PID1: variants seen among roughly 807,000 people sequenced by gnomAD.
PID1 encodes PTB-containing, cubilin and LRP1-interacting protein.
Under a neutral mutation model 19.1 loss-of-function variants are expected in PID1, and 10 were observed. That is an observed-to-expected ratio of 0.52 (90% CI 0.32 to 0.89). The LOEUF is 0.89. Among genes scored for constraint, PID1 ranks in the 40% least tolerant of loss-of-function variants. The pLI, the probability that PID1 is intolerant of heterozygous loss-of-function variation, is 0.03. For missense variants in PID1, 248 were observed against 285.3 expected (o/e 0.87, Z 0.94); for synonymous variants, 130 against 116.0 (o/e 1.12, Z -0.78).
chr2:229,101,583 T>G (rs1003140023), intron 2 of PID1, among the ~76,000 whole-genome samples: 9 of 152,318 alleles, frequency 5.9e-5, no homozygotes, highest in Admixed American at 5.9e-4. Flanking sequence ...TCATTTAAAT[T>G]TGCAAAGACT....
chr2:229,205,427 T>G (rs1437791148), intron 1 of PID1, among the ~76,000 whole-genome samples: 1 of 152,176 alleles, frequency 6.6e-6, no homozygotes, highest in Non-Finnish European at 1.5e-5. Context: ...AATTAAAACC[T>G]GCCGCAAATT....
Position 229,234,427 on chromosome 2 carries a change from G to C in PID1, c.30+36587C>G, listed in dbSNP as rs1017808603. Among the ~76,000 whole-genome samples, 3 of 152,064 alleles carry C rather than the reference G, an allele frequency of 2.0e-5. No individual in the cohort carries two copies. The East Asian group carries it at 5.8e-4, about 29-fold the overall frequency. ...TGCAAGTGCCTTTGAATACAGAAAG[G>C]GGCCACAAGCCTAGGAATGTGAGCA... On this transcript the variant is annotated intron_variant, in intron 1 of 2. Coordinates refer to ENST00000392055, the MANE Select transcript of PID1 (RefSeq NM_001100818.2).
intron 1 of PID1, among the ~76,000 whole-genome samples, chr2:229,178,362 C>T (rs1312558955): frequency 6.6e-6 from 1 of 152,118 alleles, no homozygotes; most frequent in Non-Finnish European, 1.5e-5. Flanking sequence ...CAGGCGTTAG[C>T]AGTTGTCTAA....
chr2:229,048,743 G>T (rs1357527457), intron 2 of PID1, among the ~76,000 whole-genome samples: 2 of 152,124 alleles, frequency 1.3e-5, no homozygotes, highest in African/African-American at 4.8e-5. Context: ...TTTACTTTGT[G>T]CCTTGTTTTT....
At chr2:229,159,631 A>G (rs186158540) in intron 1 of PID1, among the ~76,000 whole-genome samples, 1 of 152,138 alleles carries the variant, frequency 6.6e-6, no homozygotes, top group African/African-American at 2.4e-5. Flanking sequence ...CTCTAAATAT[A>G]GATGTCCTAC....
chr2:229,181,825 T>C (rs1690952638), intron 1 of PID1, among the ~76,000 whole-genome samples: 1 of 152,252 alleles, frequency 6.6e-6, no homozygotes, highest in African/African-American at 2.4e-5. Context: ...ATTACTTTTT[T>C]GTAATGAAAA....
chr2:229,271,116 G>A lies in PID1; in HGVS notation c.-73C>T, dbSNP rs547689684. The A allele has an allele frequency of 3.5e-4, 530 of 1,498,154 alleles. 3 individuals carry two copies. The African/African-American group carries it at 6.5e-3, about 18-fold the overall frequency. 92.8% of individuals were successfully genotyped at this position (1,498,154 alleles called of 1,614,324 possible). Reference sequence around the variant, plus strand: ...TCGCGCCGGGGGGCGAGGGGCTGGGGTCCCGCTTTACATCTGGGGTCGGTG... The same window carrying A: ...TCGCGCCGGGGGGCGAGGGGCTGGGATCCCGCTTTACATCTGGGGTCGGTG... On this transcript the variant is annotated 5_prime_UTR_variant, in exon 1 of 3. Transcript: ENST00000392055.
intron 1 of PID1, among the ~76,000 whole-genome samples, chr2:229,203,520 T>C (rs1334795052): frequency 1.3e-5 from 2 of 152,122 alleles, no homozygotes; most frequent in Non-Finnish European, 2.9e-5. Flanking sequence ...CAAGAATCCA[T>C]TGACAATGTT....
At chr2:229,029,655 C>A (rs1693504008) in intron 2 of PID1, among the ~76,000 whole-genome samples, 1 of 151,884 alleles carries the variant, frequency 6.6e-6, no homozygotes, top group Non-Finnish European at 1.5e-5. Context: ...GCCTGATTAA[C>A]ATGATGAAAC....
chr2:229,081,365 C>T (rs1694666025), intron 2 of PID1, among the ~76,000 whole-genome samples: 1 of 152,156 alleles, frequency 6.6e-6, no homozygotes. Context: ...GATAATGCAA[C>T]ATAAAATGTA....
intron 1 of PID1, among the ~76,000 whole-genome samples, chr2:229,177,368 G>A (rs2106215211): frequency 6.6e-6 from 1 of 152,224 alleles, no homozygotes; most frequent in Non-Finnish European, 1.5e-5. Context: ...AGTAGAACAG[G>A]TAGCCCAGGT....
chr2:229,116,309 G>A (rs10519402), intron 2 of PID1, among the ~76,000 whole-genome samples: 3,299 of 152,228 alleles, frequency 0.022, 114 homozygotes, highest in African/African-American at 0.075. Context: ...GGACAAAATC[G>A]GATGCTGAGT....
chr2:229,262,845 A>G lies in PID1; in HGVS notation c.30+8169T>C, dbSNP rs1280056824. 4 of 1,548,788 alleles carry G rather than the reference A, an allele frequency of 2.6e-6. No homozygotes were observed. In the African/African-American group the frequency reaches 5.5e-5, roughly 21 times the overall value. The stretch of plus-strand genomic sequence containing the variant: ...TGCCATAACTCCGGTTTCTGCCTTG[A>G]TCTTCACAATGGCCTTCTCTGTGCC... On this transcript the variant is annotated intron_variant, in intron 1 of 2. Coordinates refer to ENST00000392055, the MANE Select transcript of PID1 (RefSeq NM_001100818.2).
chr2:229,122,760 T>C (rs192594883), intron 2 of PID1, among the ~76,000 whole-genome samples: 1 of 152,222 alleles, frequency 6.6e-6, no homozygotes, highest in African/African-American at 2.4e-5. Flanking sequence ...GCCAACCCTA[T>C]GCCCTGAAGC....
intron 2 of PID1, among the ~76,000 whole-genome samples, chr2:229,139,534 A>G (rs1430742312): frequency 2.6e-5 from 4 of 152,194 alleles, no homozygotes; most frequent in African/African-American, 9.6e-5. Flanking sequence ...AGGAAAAAAC[A>G]AACAACGAAC....
chr2:229,054,025 C>G (rs1356973828), intron 2 of PID1, among the ~76,000 whole-genome samples: 2 of 152,126 alleles, frequency 1.3e-5, no homozygotes, highest in African/African-American at 2.4e-5. Context: ...AAGACTGGAT[C>G]ATTACAGAGT....
chr2:229,045,075 T>G (rs534219325), intron 2 of PID1, among the ~76,000 whole-genome samples: 2 of 151,446 alleles, frequency 1.3e-5, no homozygotes, highest in South Asian at 4.3e-4. Flanking sequence ...TGCCTCAACC[T>G]CCCAAGTAGC....
chr2:229,143,116 T>C (rs866289237), intron 2 of PID1, among the ~76,000 whole-genome samples: 4 of 148,200 alleles, frequency 2.7e-5, no homozygotes, highest in African/African-American at 1.0e-4. Flanking sequence ...AAACACCGCA[T>C]ATTCTCACTT....
chr2:229,236,531 AGTCT>A (rs1298472915), intron 1 of PID1: 7 of 152,212 alleles, frequency 4.6e-5, no homozygotes, highest in African/African-American at 1.7e-4. Flanking sequence ...GGAGCAGCCC[AGTCT>A]GGACAGTCAG....
Sources: gnomAD v4.1 joint callset for allele counts (sites outside exome capture counted in the v4.1 genomes callset) on GRCh38, gnomAD v4.1.1 for gene constraint, MANE v1.5 for transcripts, NCBI Gene and HGNC (gene_info 2026-07-23, HGNC 2026-07-21) for gene names.